Variants in OXR1 observed in about 807,000 individuals in gnomAD.
The protein encoded by OXR1 is oxidation resistance protein 1.
A neutral mutation model predicts 104.6 loss-of-function variants in OXR1; 41 were observed. The ratio of observed to expected loss-of-function variants is 0.39; its 90% CI spans 0.31 to 0.51. OXR1 has a LOEUF of 0.51. Ranked by LOEUF, OXR1 falls within the 20% of genes least tolerant of loss-of-function variation. The pLI, the probability that OXR1 is intolerant of heterozygous loss-of-function variation, is 0.77. For missense variants in OXR1, 955 were observed against 1,031.9 expected, an observed-to-expected ratio of 0.93 and a Z score of 1.02; for synonymous variants, 348 against 348.4, an observed-to-expected ratio of 1.00 and a Z score of 0.01.
intron 2 of OXR1, among the ~76,000 whole-genome samples, chr8:106,402,977 C>A (rs372542341): frequency 6.6e-6 from 1 of 152,132 alleles, no homozygotes; most frequent in Non-Finnish European, 1.5e-5. Context: ...TCCACCACCA[C>A]GCCTGGCTAA....
chr8:106,563,551 C>A (rs1816850749), intron 3 of OXR1, among the ~76,000 whole-genome samples: 1 of 152,110 alleles, frequency 6.6e-6, no homozygotes, highest in African/African-American at 2.4e-5. Flanking sequence ...GAGACTTTAA[C>A]ACTCCACTGT....
At chr8:106,476,234 T>C (rs1397292328) in intron 2 of OXR1, among the ~76,000 whole-genome samples, 7 of 151,916 alleles carry the variant, frequency 4.6e-5, no homozygotes, top group Admixed American at 4.6e-4. Context: ...GCATCTTCAG[T>C]TGAACTCATG....
intron 2 of OXR1, among the ~76,000 whole-genome samples, chr8:106,461,654 C>A (rs1820924449): frequency 6.6e-6 from 1 of 152,106 alleles, no homozygotes; most frequent in Non-Finnish European, 1.5e-5. Flanking sequence ...CTATTTTAAG[C>A]CTGGAAATAC....
intron 2 of OXR1, among the ~76,000 whole-genome samples, chr8:106,516,564 T>C (rs1029820074): frequency 6.6e-6 from 1 of 152,100 alleles, no homozygotes; most frequent in Non-Finnish European, 1.5e-5. Context: ...AAAAAAAGGG[T>C]TGTTCATTAA....
In OXR1 at chr8:106,538,464, C is replaced by G. The variant is rs1379760124; in HGVS notation, c.220+19325C>G. On this transcript the variant is annotated intron_variant, in intron 3 of 16. Coordinates refer to ENST00000517566, the MANE Select transcript of OXR1 (RefSeq NM_001198533.2). Reference sequence around the variant, plus strand: ...TCTTTTCTACTATTTTTTTTCCCCTCCCATTAAGTTTTGTTGTTCCAAATC... The same window carrying G: ...TCTTTTCTACTATTTTTTTTCCCCTGCCATTAAGTTTTGTTGTTCCAAATC... Among the ~76,000 whole-genome samples the G allele has an allele frequency of 2.6e-5, 4 of 152,118 alleles. 1 individual carries two copies. Among genetic ancestry groups the G allele is most frequent in the African/African-American group, 2.4e-5 (1 of 41,514 alleles).
chr8:106,723,477 G>A (rs573132390), intron 11 of OXR1, among the ~76,000 whole-genome samples: 73 of 141,122 alleles, frequency 5.2e-4, no homozygotes, highest in African/African-American at 1.8e-3. Flanking sequence ...CAGCCTGGGC[G>A]ACAGAGCAAG....
chr8:106,566,950 C>T (rs1817120553), intron 3 of OXR1, among the ~76,000 whole-genome samples: 1 of 152,004 alleles, frequency 6.6e-6, no homozygotes, highest in African/African-American at 2.4e-5. Flanking sequence ...GAACATTACA[C>T]ATTGGGGCCT....
chr8:106,528,181 G>A (rs1296615021), intron 3 of OXR1, among the ~76,000 whole-genome samples: 1 of 148,974 alleles, frequency 6.7e-6, no homozygotes, highest in African/African-American at 2.5e-5. Context: ...TTCCCTCCTT[G>A]TGTTAAAATG....
chr8:106,318,610 G>T (rs763240054), intron 1 of OXR1, among the ~76,000 whole-genome samples: 1 of 151,948 alleles, frequency 6.6e-6, no homozygotes, highest in African/African-American at 2.4e-5. Flanking sequence ...TATTCTCAAG[G>T]GTCAGCTCAA....
At chr8:106,428,175 G>A (rs1227896896) in intron 2 of OXR1, among the ~76,000 whole-genome samples, 2 of 152,120 alleles carry the variant, frequency 1.3e-5, no homozygotes, top group Admixed American at 1.3e-4. Context: ...TACCATGGGT[G>A]CCTAAGGATG....
intron 2 of OXR1, among the ~76,000 whole-genome samples, chr8:106,457,666 T>A (rs867725415): frequency 1.5e-3 from 234 of 151,466 alleles, no homozygotes; most frequent in African/African-American, 5.4e-3. Flanking sequence ...AACCTAAATC[T>A]TCTTAGGGAT....
intron 1 of OXR1, among the ~76,000 whole-genome samples, chr8:106,333,016 A>T (rs961548733): frequency 6.6e-6 from 1 of 152,134 alleles, no homozygotes; most frequent in Non-Finnish European, 1.5e-5. Flanking sequence ...CATTGTGTGC[A>T]TATACTATAT....
At chr8:106,548,279 A>AT (rs1476116598) in intron 3 of OXR1, among the ~76,000 whole-genome samples, 2 of 152,154 alleles carry the variant, frequency 1.3e-5, no homozygotes, top group Non-Finnish European at 2.9e-5. Context: ...ACTCAGATTC[A>AT]TGGGATTTAC....
rs60855438 is a variant in OXR1 at position 106,379,537 on chromosome 8, CT to C, written c.23+19920del. Among the ~76,000 whole-genome samples the C allele has an allele frequency of 1.3e-3, 145 of 108,372 alleles. No individual in the cohort carries two copies. The Middle Eastern group carries it at 0.016, about 12-fold the overall frequency. The allele number at this position is 108,372 out of a possible 152,430, so 71.1% of individuals were successfully genotyped here. On this transcript the variant is annotated intron_variant, in intron 2 of 16. Coordinates refer to ENST00000517566, the MANE Select transcript of OXR1 (RefSeq NM_001198533.2). ...CTTTTTTTTACTTTTTTCTTTCTTT[CT>C]TTTTTTTTTTTTTTTTTTGAGACAG... is the stretch of plus-strand genomic sequence containing the variant.
intron 3 of OXR1, among the ~76,000 whole-genome samples, chr8:106,549,701 A>G (rs988847691): frequency 6.6e-6 from 1 of 152,146 alleles, no homozygotes; most frequent in African/African-American, 2.4e-5. Flanking sequence ...TTCATAGATG[A>G]CTGTCTTTTC....
chr8:106,476,547 G>A (rs991367084), intron 2 of OXR1, among the ~76,000 whole-genome samples: 1 of 151,778 alleles, frequency 6.6e-6, no homozygotes, highest in African/African-American at 2.4e-5. Flanking sequence ...TTTAATCCTG[G>A]TGCTCACTTC....
intron 3 of OXR1, among the ~76,000 whole-genome samples, chr8:106,650,203 A>G (rs1287095678): frequency 6.6e-6 from 1 of 152,208 alleles, no homozygotes; most frequent in Non-Finnish European, 1.5e-5. Flanking sequence ...TTGTAGGCAT[A>G]TTGCTTGCAT....
chr8:106,684,386 G>A (rs1175528238), intron 6 of OXR1, 27 bp downstream of exon 6: 2 of 1,099,294 alleles, frequency 1.8e-6, no homozygotes, highest in African/African-American at 3.1e-5. Context: ...TGCAAAGATG[G>A]CGATGAAGAA....
intron 2 of OXR1, among the ~76,000 whole-genome samples, chr8:106,514,581 T>G (rs1261819903): frequency 1.3e-5 from 2 of 152,160 alleles, no homozygotes; most frequent in East Asian, 3.8e-4. Context: ...TTTGGCCATC[T>G]GGAGCTCAGT....
Sources: gnomAD v4.1 joint callset for allele counts (sites outside exome capture counted in the v4.1 genomes callset) on GRCh38, gnomAD v4.1.1 for gene constraint, MANE v1.5 for transcripts, NCBI Gene and HGNC (gene_info 2026-07-23, HGNC 2026-07-21) for gene names.